The following FRA10AC1 variants were observed in gnomAD, a reference collection of about 807,000 sequenced individuals.
The protein encoded by FRA10AC1 is FRA10A associated CGG repeat 1.
In FRA10AC1, 43 loss-of-function variants were observed where a neutral mutation model predicts 56.5. That is an observed-to-expected ratio of 0.76 (90% CI 0.60 to 0.98). FRA10AC1 has a LOEUF of 0.98. FRA10AC1 is among the 50% of genes least tolerant of loss of function. The pLI, the probability that FRA10AC1 is intolerant of heterozygous loss-of-function variation, is 0.00. For missense variants in FRA10AC1, 346 were observed against 351.8 expected, an observed-to-expected ratio of 0.98 and a Z score of 0.13; for synonymous variants, 112 against 110.5, an observed-to-expected ratio of 1.01 and a Z score of -0.09.
Position 93,692,099 on chromosome 10 carries a change from C to T in FRA10AC1, c.381-6G>A. ...TCTTAGCAAGTCTCTTCTCCCTAGA[C>T]CCATGAAAATATAAATATTATACAT... On this transcript the variant is annotated splice_region_variant and splice_polypyrimidine_tract_variant and intron_variant, in intron 6 of 13. Coordinates refer to ENST00000359204, the MANE Select transcript of FRA10AC1 (RefSeq NM_145246.5). The T allele has an allele frequency of 6.8e-7, 1 of 1,481,134 alleles. No homozygotes were observed. Among genetic ancestry groups the T allele is most frequent in the Non-Finnish European group, 8.9e-7 (1 of 1,119,338 alleles). 91.7% of individuals were successfully genotyped at this position (1,481,134 alleles called of 1,614,324 possible). A position where few individuals can be genotyped will look rare whatever the true frequency, so the allele number is the denominator to read the frequency against.
At position 93,681,522 on chromosome 10, in the gene FRA10AC1, T is replaced by C; in HGVS notation, c.745A>G (p.Arg249Gly). 6.3e-7 allele frequency: 1 copy of C among 1,581,374 alleles called. No homozygotes were observed. Among genetic ancestry groups the C allele is most frequent in the Non-Finnish European group, 8.6e-7 (1 of 1,169,026 alleles). ...DCEESSHKKS[R>G]LSSAEEASKK... ...GAGGCCTCTTCTGCAGAAGATAATCTGGATTTTTTATGTGATGACTCTTCA... is the reference window on the plus strand; with the variant it reads ...GAGGCCTCTTCTGCAGAAGATAATCCGGATTTTTTATGTGATGACTCTTCA... Residue 249 changes from arginine (R) to glycine (G), a missense_variant, in exon 11 of 14, where the codon AGA (arginine) becomes GGA (glycine). By Grantham distance (125) the Arg-to-Gly change is moderately radical. Transcript: ENST00000359204.
intron 4 of FRA10AC1, among the ~76,000 whole-genome samples, chr10:93,695,806 A>C (rs1409339101): frequency 6.6e-6 from 1 of 152,176 alleles, no homozygotes; most frequent in East Asian, 1.9e-4. Context: ...TCTACCACTA[A>C]CTGGTCACAT....
At chr10:93,687,631 G>A in intron 7 of FRA10AC1, 182 bp from the exon 8 acceptor site, 1 of 556,366 alleles carries the variant, frequency 1.8e-6, no homozygotes. Flanking sequence ...TATCTGTTAA[G>A]AACAATCTAC....
chr10:93,681,580 T>C lies in FRA10AC1; in HGVS notation c.687A>G (p.Ser229=). 4 of 1,538,220 alleles carry C rather than the reference T, an allele frequency of 2.6e-6. No homozygotes were observed. In the South Asian group the frequency reaches 4.9e-5, roughly 19 times the overall value. The change falls in exon 11 of 14, where the codon TCA becomes TCG. Residue 229 remains serine (S), a synonymous_variant. Transcript: ENST00000359204. The stretch of plus-strand genomic sequence containing the variant: ...TTTTGGTTTTATCTTTTCTTTTTTT[T>C]GACTTGATTTCTTTTCTCCTTTGTG... The part of the protein sequence containing the change: ...NFHHRRKEIK[S]KKRKDKTKKD...
chr10:93,695,874 C>T (rs755035589), intron 4 of FRA10AC1, among the ~76,000 whole-genome samples: 5 of 152,096 alleles, frequency 3.3e-5, no homozygotes, highest in South Asian at 2.1e-4. Flanking sequence ...TTTCTGCAAA[C>T]GGCCAGATGG....
chr10:93,691,015 TGATA>T (rs1460123163), intron 7 of FRA10AC1, among the ~76,000 whole-genome samples: 2 of 152,192 alleles, frequency 1.3e-5, no homozygotes, highest in Non-Finnish European at 2.9e-5. Context: ...TAAATCTTCA[TGATA>T]GATAAATACA....
At chr10:93,678,664 GCAA>G (rs140857107) in intron 11 of FRA10AC1, among the ~76,000 whole-genome samples, 14 of 151,858 alleles carry the variant, frequency 9.2e-5, no homozygotes, top group South Asian at 2.1e-4. Context: ...CCCTGTCTCT[GCAA>G]CAACAACAAC....
intron 9 of FRA10AC1, 35 bp from the exon 10 acceptor site, chr10:93,684,133 T>C: frequency 6.7e-7 from 1 of 1,487,768 alleles, no homozygotes; most frequent in Non-Finnish European, 9.4e-7. Context: ...TGGCTGATTT[T>C]GAATAACCAC....
In FRA10AC1 at chr10:93,694,917, G is replaced by A. The variant is rs763467696; in HGVS notation, c.240C>T (p.Phe80=). The A allele has an allele frequency of 2.3e-5, 36 of 1,559,770 alleles. No individual in the cohort carries two copies. The highest frequency in any genetic ancestry group is 2.9e-5 in the Non-Finnish European group (33 of 1,131,118). The change falls in exon 5 of 14, where the codon TTC becomes TTT. Residue 80 remains phenylalanine, a synonymous_variant. Transcript: ENST00000359204. ...CATAGTATAAAATATAGTCATTTAC[G>A]AACTTTGTATGTCTTTGATACTGAA... is the stretch of plus-strand genomic sequence containing the variant. The part of the protein sequence containing the change: ...AMDAYQRHTK[F]VNDYILYYGG...
At chr10:93,699,633 T>G (rs2059295856) in intron 2 of FRA10AC1, among the ~76,000 whole-genome samples, 1 of 152,226 alleles carries the variant, frequency 6.6e-6, no homozygotes, top group African/African-American at 2.4e-5. Context: ...GCATTATACT[T>G]TCATCCTCCA....
At chr10:93,676,584 A>G in intron 12 of FRA10AC1, 69 bp downstream of exon 12, 1 of 1,486,262 alleles carries the variant, frequency 6.7e-7, no homozygotes, top group Non-Finnish European at 8.9e-7. Context: ...GCAAGATACG[A>G]TTCATGGGAA....
In FRA10AC1 at chr10:93,684,096, AC is replaced by A; in HGVS notation, c.627del (p.Arg209SerfsTer10). 2 of 1,605,786 alleles carry A rather than the reference AC, an allele frequency of 1.2e-6. No homozygotes were observed. Among genetic ancestry groups the A allele is most frequent in the Non-Finnish European group, 8.5e-7 (1 of 1,173,336 alleles). The part of the protein sequence containing the change: ...GEKRNALVKL[R>X]LCQECSIKLN... ...AATTTAATGGAACATTCTTGGCATA[AC>A]CCTAAAAAGAAAAGACACCACTGAA... is the stretch of plus-strand genomic sequence containing the variant. On this transcript the variant is annotated frameshift_variant and splice_region_variant, in exon 10 of 14. Coordinates refer to ENST00000359204, the MANE Select transcript of FRA10AC1 (RefSeq NM_145246.5). LOFTEE classifies it high-confidence loss of function.
intron 7 of FRA10AC1, 170 bp downstream of exon 7, chr10:93,691,839 A>T: frequency 1.6e-6 from 1 of 614,162 alleles, no homozygotes; most frequent in Non-Finnish European, 2.5e-6. Flanking sequence ...GGCCTTTTGT[A>T]AACTCCACAG....
At position 93,700,068 on chromosome 10, in the gene FRA10AC1, A is replaced by G; in HGVS notation, c.39T>C (p.Asp13=). The G allele has an allele frequency of 6.2e-7, 1 of 1,603,820 alleles. No individual in the cohort carries two copies. The highest frequency in any genetic ancestry group is 1.1e-5 in the South Asian group (1 of 90,514). ...TGCTGGATTCTCCACAGCGTTCATC[A>G]TCACTAAAATCAGAATCATAGCCTC... ...GHGGYDSDFS[D]DERCGESSKR... The change falls in exon 2 of 14, where the codon GAT becomes GAC. Residue 13 remains aspartate, a synonymous_variant. Coordinates refer to ENST00000359204, the MANE Select transcript of FRA10AC1 (RefSeq NM_145246.5).
intron 1 of FRA10AC1, among the ~76,000 whole-genome samples, chr10:93,701,365 C>T (rs1192115651): frequency 6.6e-6 from 1 of 152,198 alleles, no homozygotes; most frequent in Non-Finnish European, 1.5e-5. Flanking sequence ...ACTCTCTAAA[C>T]TTCATTGCAT....
chr10:93,692,818 T>A, intron 5 of FRA10AC1, 89 bp from the exon 6 acceptor site: 1 of 659,804 alleles, frequency 1.5e-6, no homozygotes, highest in African/African-American at 1.9e-5. Flanking sequence ...AAAATTTTAT[T>A]AAAAATATAA....
intron 12 of FRA10AC1, chr10:93,673,649 T>C (rs1478950452): frequency 1.4e-5 from 5 of 355,392 alleles, no homozygotes; most frequent in Non-Finnish European, 2.8e-5. Flanking sequence ...TTTGATTTCA[T>C]CAATTCTAGA....
chr10:93,673,181 GT>G (rs997386228), intron 12 of FRA10AC1: 4 of 373,398 alleles, frequency 1.1e-5, no homozygotes, highest in African/African-American at 8.6e-5. Flanking sequence ...TAAGGGACAA[GT>G]TTTTCCTTAA....
At chr10:93,691,756 G>A (rs1218550837) in intron 7 of FRA10AC1, among the ~76,000 whole-genome samples, 10 of 152,096 alleles carry the variant, frequency 6.6e-5, no homozygotes, top group Admixed American at 6.6e-4. Context: ...ACCCACTTGC[G>A]TTTAATTTTA....
Sources: allele counts gnomAD v4.1 joint callset (sites outside exome capture counted in the v4.1 genomes callset), GRCh38; gene constraint gnomAD v4.1.1; transcripts MANE v1.5; gene names NCBI Gene and HGNC (gene_info 2026-07-23, HGNC 2026-07-21).